The following SDK1 variants were observed in gnomAD, a reference collection of about 807,000 sequenced individuals.
SDK1 encodes protein sidekick-1.
Under a neutral mutation model 245.5 loss-of-function variants are expected in SDK1, and 157 were observed. That is an observed-to-expected ratio of 0.64 (90% CI 0.56 to 0.73). SDK1 has a LOEUF of 0.73. Among genes scored for constraint, SDK1 ranks in the 30% least tolerant of loss-of-function variants. The probability of loss-of-function intolerance (pLI) is 0.00; values close to 1 mark genes in which losing one functional copy is unlikely to be tolerated. For missense variants in SDK1, 3,583 were observed against 3,002.3 expected (o/e 1.19, Z -4.52); for synonymous variants, 1,647 against 1,278.5 (o/e 1.29, Z -6.15).
At chr7:3,479,625 A>C (rs1288364494) in intron 1 of SDK1, among the ~76,000 whole-genome samples, 1 of 151,754 alleles carries the variant, frequency 6.6e-6, no homozygotes, top group Non-Finnish European at 1.5e-5. Context: ...GCACTTTGGG[A>C]GGTCGAGGTG....
intron 4 of SDK1, among the ~76,000 whole-genome samples, chr7:3,666,056 C>A (rs1191440523): frequency 3.3e-5 from 5 of 152,174 alleles, no homozygotes; most frequent in Non-Finnish European, 7.3e-5. Flanking sequence ...TGCTTAGATT[C>A]CTGCAGGAAA....
intron 1 of SDK1, among the ~76,000 whole-genome samples, chr7:3,552,619 C>T (rs562411236): frequency 1.3e-5 from 2 of 152,286 alleles, no homozygotes; most frequent in Non-Finnish European, 2.9e-5. Flanking sequence ...TGATTCTGAG[C>T]AATGTTTCTG....
chr7:3,726,620 T>C (rs1324651503), intron 4 of SDK1, among the ~76,000 whole-genome samples: 3 of 152,246 alleles, frequency 2.0e-5, no homozygotes, highest in South Asian at 2.1e-4. Context: ...TTATAAGTTA[T>C]GTTAAAAAAC....
rs145708923 is a variant in SDK1, at chr7:3,781,542, G to T, written c.714-39908G>T. Among the ~76,000 whole-genome samples, 138 of 152,240 alleles carry T rather than the reference G, an allele frequency of 9.1e-4. 1 individual carries two copies. Among genetic ancestry groups the T allele is most frequent in the Non-Finnish European group, 1.6e-3 (107 of 67,988 alleles). ...TCAAGGGAATCATGACACCTGCAAAGAAAACTAATAAAGCTTCAATAGTAG... is the reference window on the plus strand; with the variant it reads ...TCAAGGGAATCATGACACCTGCAAATAAAACTAATAAAGCTTCAATAGTAG... On this transcript the variant is annotated intron_variant, in intron 4 of 44. Coordinates refer to ENST00000404826, the MANE Select transcript of SDK1 (RefSeq NM_152744.4).
At chr7:3,911,873 A>G (rs962401068) in intron 5 of SDK1, among the ~76,000 whole-genome samples, 1 of 152,092 alleles carries the variant, frequency 6.6e-6, no homozygotes, top group African/African-American at 2.4e-5. Flanking sequence ...GCAGGGTGCA[A>G]ATATGTGACC....
At chr7:4,110,310 G>A (rs772015539) in intron 22 of SDK1, among the ~76,000 whole-genome samples, 6 of 152,186 alleles carry the variant, frequency 3.9e-5, no homozygotes, top group Non-Finnish European at 8.8e-5. Context: ...GCCCTCACTT[G>A]TCAAACAGGA....
chr7:4,263,291 C>T (rs1284536565), intron 44 of SDK1, among the ~76,000 whole-genome samples: 1 of 150,184 alleles, frequency 6.7e-6, no homozygotes. Flanking sequence ...CAGATCTTCC[C>T]CACCCCTGGG....
intron 22 of SDK1, among the ~76,000 whole-genome samples, chr7:4,087,028 G>T (rs1781466658): frequency 8.5e-6 from 1 of 117,784 alleles, no homozygotes; most frequent in Admixed American, 7.9e-5. Flanking sequence ...TTTTTGCCAT[G>T]CAAAAAAAAA....
chr7:4,084,357 T>C (rs901882634), intron 22 of SDK1, among the ~76,000 whole-genome samples: 2 of 152,242 alleles, frequency 1.3e-5, no homozygotes, highest in African/African-American at 4.8e-5. Flanking sequence ...GTCATTATTC[T>C]TTTTGAACCT....
intron 1 of SDK1, among the ~76,000 whole-genome samples, chr7:3,381,432 C>T (rs1312769603): frequency 6.6e-6 from 1 of 151,986 alleles, no homozygotes; most frequent in African/African-American, 2.4e-5. Flanking sequence ...GGGGGCAAAG[C>T]AGTGACAGCG....
At position 3,967,442 on chromosome 7, in the gene SDK1, G is replaced by GTAC; in HGVS notation, c.1546+8_1546+9insTAC. 6.5e-7 allele frequency: 1 copy of GTAC among 1,544,092 alleles called. No individual in the cohort carries two copies. On this transcript the variant is annotated intron_variant, in intron 10 of 44. Coordinates refer to ENST00000404826, the MANE Select transcript of SDK1 (RefSeq NM_152744.4). ...CCATCACCTGGAAAAGAGGTGGGTA[G>GTAC]CATCCACTGCCCACAACAGCATGGC... is the stretch of plus-strand genomic sequence containing the variant.
intron 4 of SDK1, among the ~76,000 whole-genome samples, chr7:3,723,884 A>ATATATACACGTG: frequency 7.6e-6 from 1 of 132,002 alleles, no homozygotes; most frequent in Non-Finnish European, 1.6e-5. Flanking sequence ...ACGTACATAT[A>ATATATACACGTG]TATATACACG....
At chr7:3,641,910 C>T (rs777784394) in intron 3 of SDK1, 48 bp from the exon 4 acceptor site, 6 of 1,544,858 alleles carry the variant, frequency 3.9e-6, no homozygotes, top group Non-Finnish European at 3.5e-6. Flanking sequence ...CCCTTCCCTC[C>T]CCCAAAAATG....
chr7:3,724,748 C>A (rs1778959434), intron 4 of SDK1, among the ~76,000 whole-genome samples: 1 of 152,154 alleles, frequency 6.6e-6, no homozygotes, highest in African/African-American at 2.4e-5. Context: ...AGCTCGCCTG[C>A]AGTCAGCTTT....
intron 4 of SDK1, among the ~76,000 whole-genome samples, chr7:3,708,775 T>C (rs921622629): frequency 2.0e-5 from 3 of 152,262 alleles, no homozygotes; most frequent in Admixed American, 1.3e-4. Context: ...GGGGCACATA[T>C]CCAAACTCTA....
chr7:3,353,946 T>G (rs1311435717), intron 1 of SDK1, among the ~76,000 whole-genome samples: 1 of 152,094 alleles, frequency 6.6e-6, no homozygotes, highest in Non-Finnish European at 1.5e-5. Context: ...GGAACACATT[T>G]CATGTTGCAA....
At chr7:4,060,281 GA>G (rs1247391403) in intron 19 of SDK1, among the ~76,000 whole-genome samples, 2 of 151,990 alleles carry the variant, frequency 1.3e-5, no homozygotes, top group African/African-American at 4.8e-5. Context: ...GCCTACATCA[GA>G]AAAAAGTAGA....
At chr7:3,644,400 A>G (rs969251389) in intron 4 of SDK1, among the ~76,000 whole-genome samples, 1 of 151,960 alleles carries the variant, frequency 6.6e-6, no homozygotes, top group African/African-American at 2.4e-5. Context: ...ATAATAAAAG[A>G]TGCCTCGAGT....
At chr7:3,508,385 G>T (rs1782465798) in intron 1 of SDK1, among the ~76,000 whole-genome samples, 1 of 149,172 alleles carries the variant, frequency 6.7e-6, no homozygotes, top group South Asian at 2.1e-4. Flanking sequence ...GAGTGCAGTG[G>T]TGTGTGATCT....
Sources: gnomAD v4.1 joint callset for allele counts (sites outside exome capture counted in the v4.1 genomes callset) on GRCh38, gnomAD v4.1.1 for gene constraint, MANE v1.5 for transcripts, NCBI Gene and HGNC (gene_info 2026-07-23, HGNC 2026-07-21) for gene names.